Variants in SLC35F5 observed in about 807,000 individuals in gnomAD.
SLC35F5 encodes the protein solute carrier family 35 member F5, also known as HCV NS5A-transactivated protein 3.
In SLC35F5, 54 loss-of-function variants were observed where a neutral mutation model predicts 68.6. The ratio of observed to expected loss-of-function variants is 0.79; its 90% CI spans 0.63 to 0.99. The LOEUF (loss-of-function observed/expected upper bound fraction) is 0.99, where lower values mean the gene tolerates loss of function less well. Ranked by LOEUF, SLC35F5 falls within the 50% of genes least tolerant of loss-of-function variation. The probability of loss-of-function intolerance (pLI) is 0.00; values close to 1 mark genes in which losing one functional copy is unlikely to be tolerated. For synonymous variants in SLC35F5, 211 were observed against 205.2 expected, an observed-to-expected ratio of 1.03 and a Z score of -0.24; for missense variants, 567 against 626.9, an observed-to-expected ratio of 0.90 and a Z score of 1.02.
Position 113,729,388 on chromosome 2 carries a change from C to T in SLC35F5, c.1090+13G>A, listed in dbSNP as rs759283636. ...TTAGAGTAAATAGCCTCCCAAGTTA[C>T]ATATATTCTTACCAAAGAACATTGG... On this transcript the variant is annotated intron_variant, in intron 11 of 15. Transcript: ENST00000245680. The T allele has an allele frequency of 6.7e-6, 9 of 1,341,048 alleles. No individual in the cohort carries two copies. In the African/African-American group the frequency reaches 1.2e-4, roughly 18 times the overall value. The allele number at this position is 1,341,048 out of a possible 1,614,324, so 83.1% of individuals were successfully genotyped here.
At chr2:113,739,437 C>T (rs893918891) in intron 7 of SLC35F5, among the ~76,000 whole-genome samples, 2 of 152,120 alleles carry the variant, frequency 1.3e-5, no homozygotes, top group Non-Finnish European at 2.9e-5. Context: ...ATTTGGTGGG[C>T]CAACTGTATG....
chr2:113,750,760 C>A (rs986728320), intron 3 of SLC35F5, among the ~76,000 whole-genome samples, 192 bp from the exon 4 acceptor site: 1 of 152,214 alleles, frequency 6.6e-6, no homozygotes, highest in Non-Finnish European at 1.5e-5. Flanking sequence ...AAGGGCACCA[C>A]CAAACAAAGC....
intron 11 of SLC35F5, among the ~76,000 whole-genome samples, chr2:113,727,542 A>G (rs1687710831): frequency 6.6e-6 from 1 of 152,132 alleles, no homozygotes; most frequent in African/African-American, 2.4e-5. Flanking sequence ...CCTAGAGACA[A>G]AAGTCCCAAT....
intron 12 of SLC35F5, 106 bp from the exon 13 acceptor site, chr2:113,723,300 AAAGAT>A: frequency 1.7e-6 from 1 of 583,046 alleles, no homozygotes; most frequent in Non-Finnish European, 2.7e-6. Context: ...GATCAGGAGC[AAAGAT>A]AAGAGGCTAG....
intron 13 of SLC35F5, among the ~76,000 whole-genome samples, chr2:113,720,432 T>A (rs1250104999): frequency 6.6e-6 from 1 of 151,940 alleles, no homozygotes; most frequent in Non-Finnish European, 1.5e-5. Flanking sequence ...ACGAGTTTTG[T>A]GAGCATAATG....
At chr2:113,706,073 T>C (rs1686790905), downstream of SLC35F5, among the ~76,000 whole-genome samples, 1 of 152,200 alleles carries the variant, frequency 6.6e-6, no homozygotes, top group Non-Finnish European at 1.5e-5. Context: ...CTTCGCAGGC[T>C]GTGATTCTAC....
downstream of SLC35F5, among the ~76,000 whole-genome samples, chr2:113,702,983 A>G (rs1356784336): frequency 6.6e-6 from 1 of 151,988 alleles, no homozygotes; most frequent in Non-Finnish European, 1.5e-5. Flanking sequence ...GTTGGTGTGC[A>G]CCTGTAGTCC....
intron 6 of SLC35F5, 111 bp from the exon 7 acceptor site, chr2:113,742,990 A>T: frequency 1.3e-5 from 13 of 1,039,640 alleles, no homozygotes; most frequent in Middle Eastern, 2.2e-4. Flanking sequence ...AGAGTAAGAC[A>T]GTCAAAGTAA....
At position 113,710,231 on chromosome 2, in the gene SLC35F5, T is replaced by A. The variant is rs1001267273; in HGVS notation, c.*4987A>T. Among the ~76,000 whole-genome samples, 4 of 152,182 alleles carry A rather than the reference T, an allele frequency of 2.6e-5. No homozygotes were observed. Among genetic ancestry groups the A allele is most frequent in the African/African-American group, 4.8e-5 (2 of 41,444 alleles). The stretch of plus-strand genomic sequence containing the variant: ...TTACTTAGGAGTATGCATATTAAAA[T>A]ATATATATAACTTAACACTATGCTA... On this transcript the variant is annotated 3_prime_UTR_variant, in exon 16 of 16. Coordinates refer to ENST00000245680, the MANE Select transcript of SLC35F5 (RefSeq NM_025181.5).
At chr2:113,743,626 CAT>C in intron 6 of SLC35F5, 85 bp downstream of exon 6, 1 of 1,001,592 alleles carries the variant, frequency 1.0e-6, no homozygotes, top group Non-Finnish European at 1.5e-6. Flanking sequence ...AGAACTGCTA[CAT>C]GTTTCAGTCA....
Position 113,710,779 on chromosome 2 carries a change from A to C in SLC35F5, c.*4439T>G, listed in dbSNP as rs1686959794. On this transcript the variant is annotated 3_prime_UTR_variant, in exon 16 of 16. Transcript: ENST00000245680. ...AGTGAGACCCCATCTCAAAAAAAAA[A>C]AAAGAATTTCATCTCATGTCAAAAA... is the stretch of plus-strand genomic sequence containing the variant. 6.6e-6 allele frequency among the ~76,000 whole-genome samples: 1 copy of C among 152,092 alleles called. No individual in the cohort carries two copies. The highest frequency in any genetic ancestry group is 2.1e-4 in the South Asian group (1 of 4,820).
intron 15 of SLC35F5, among the ~76,000 whole-genome samples, chr2:113,715,408 CTG>C (rs1281236102): frequency 3.9e-5 from 6 of 152,188 alleles, no homozygotes; most frequent in Admixed American, 1.3e-4. Context: ...ACACTAAAGA[CTG>C]TGTATTAGCA....
intron 11 of SLC35F5, 98 bp downstream of exon 11, chr2:113,729,303 G>GA (rs3841578): frequency 9.3e-4 from 537 of 579,438 alleles, no homozygotes; most frequent in Middle Eastern, 1.4e-3. Context: ...TCATACGGAA[G>GA]AAAAAAAAAG....
chr2:113,735,952 A>G, intron 7 of SLC35F5, 94 bp from the exon 8 acceptor site: 1 of 722,112 alleles, frequency 1.4e-6, no homozygotes, highest in African/African-American at 1.8e-5. Context: ...CTCCTCCTAA[A>G]TACCGTTCTC....
chr2:113,727,415 A>G (rs1365559124), intron 11 of SLC35F5, among the ~76,000 whole-genome samples: 2 of 152,210 alleles, frequency 1.3e-5, no homozygotes, highest in African/African-American at 4.8e-5. Context: ...TGCTTAAATA[A>G]CATTACAAAG....
At chr2:113,726,708 G>T (rs933380011) in intron 11 of SLC35F5, among the ~76,000 whole-genome samples, 6 of 152,100 alleles carry the variant, frequency 3.9e-5, no homozygotes, top group Non-Finnish European at 7.4e-5. Flanking sequence ...CCCATCTTCT[G>T]CAGCTCATGA....
At chr2:113,754,747 G>C (rs957839704) in intron 3 of SLC35F5, among the ~76,000 whole-genome samples, 2 of 152,116 alleles carry the variant, frequency 1.3e-5, no homozygotes, top group African/African-American at 4.8e-5. Context: ...TTGTAACAGT[G>C]ACCTATACAT....
At chr2:113,742,540 CCCTAACTT>C in intron 7 of SLC35F5, 144 bp downstream of exon 7, 1 of 703,682 alleles carries the variant, frequency 1.4e-6, no homozygotes, top group Non-Finnish European at 2.3e-6. Flanking sequence ...AATTTTGATA[CCCTAACTT>C]CCTACCGGTA....
At chr2:113,732,024 T>C (rs1288162437) in intron 9 of SLC35F5, among the ~76,000 whole-genome samples, 1 of 152,200 alleles carries the variant, frequency 6.6e-6, no homozygotes, top group Non-Finnish European at 1.5e-5. Flanking sequence ...TGCTATCCAC[T>C]ATCTTTCAGT....
Sources: gnomAD v4.1 joint callset for allele counts (sites outside exome capture counted in the v4.1 genomes callset) on GRCh38, gnomAD v4.1.1 for gene constraint, MANE v1.5 for transcripts, NCBI Gene and HGNC (gene_info 2026-07-23, HGNC 2026-07-21) for gene names.